PRX: variants seen among roughly 807,000 people sequenced by gnomAD.
The protein encoded by PRX is periaxin.
Under a neutral mutation model 29.6 loss-of-function variants are expected in PRX, and 24 were observed. That is an observed-to-expected ratio of 0.81 (90% CI 0.59 to 1.14). PRX has a LOEUF of 1.14. Among genes scored for constraint, PRX ranks in the 50% most tolerant of loss-of-function variants. The probability of loss-of-function intolerance (pLI) is 0.00; values close to 1 mark genes in which losing one functional copy is unlikely to be tolerated. For synonymous variants in PRX, 772 were observed against 831.7 expected, an observed-to-expected ratio of 0.93 and a Z score of 1.24; for missense variants, 1,838 against 1,926.4, an observed-to-expected ratio of 0.95 and a Z score of 0.86.
chr19:40,396,321 C>T lies in PRX; in HGVS notation c.2031G>A (p.Glu677=), dbSNP rs554890319. The change falls in exon 7 of 7, where the codon GAG becomes GAA. Residue 677 remains glutamate, a synonymous_variant. Transcript: ENST00000324001. ...LPKMPEMAVP[E]VRLPEVQLPK... ...GCAGCTGCACCTCGGGGAGTCGAAC[C>T]TCTGGCACAGCCATCTCAGGCATTT... 6.2e-6 allele frequency: 10 copies of T among 1,610,542 alleles called. No individual in the cohort carries two copies. The highest frequency in any genetic ancestry group is 1.7e-4 in the Middle Eastern group (1 of 6,046).
intron 1 of PRX, among the ~76,000 whole-genome samples, chr19:40,411,273 C>T (rs914124519): frequency 3.3e-5 from 5 of 152,124 alleles, no homozygotes; most frequent in Admixed American, 3.3e-4. Flanking sequence ...CTGGACCGGG[C>T]AGGCGCTTTA....
chr19:40,410,044 G>A (rs769954693), intron 1 of PRX, among the ~76,000 whole-genome samples: 6 of 152,202 alleles, frequency 3.9e-5, no homozygotes, highest in Middle Eastern at 3.4e-3. Context: ...GCTGGCCCCC[G>A]TGCTAAGACC....
rs150914430 is a variant in PRX at position 40,394,295 on chromosome 19, C to T, written c.4057G>A (p.Glu1353Lys). ...TCTTCCTCCTCCTCCTCCTCCTCCTCGGGGCTGGGGGACCCTTCCCCAGTG... is the reference window on the plus strand; with the variant it reads ...TCTTCCTCCTCCTCCTCCTCCTCCTTGGGGCTGGGGGACCCTTCCCCAGTG... ...MVTGEGSPSP[E>K]EEEEEEEEGS... is the part of the protein sequence containing the mutation. Residue 1353 changes from glutamate (E) to lysine (K), a missense_variant, in exon 7 of 7, where the codon GAG (glutamate) becomes AAG (lysine). Physicochemically the swap from Glu to Lys is moderately conservative, Grantham distance 56. Around this residue, in one of 3 missense-constraint regions of PRX, gnomAD observed 1,143 missense variants for 1,193.0 expected, o/e 0.96. Coordinates refer to ENST00000324001, the MANE Select transcript of PRX (RefSeq NM_181882.3). This position sits in a 1 kb window ranked among gnomAD's most constrained non-coding sequence, Gnocchi z 5.8. 8 of 1,609,934 alleles carry T rather than the reference C, an allele frequency of 5.0e-6. No individual in the cohort carries two copies. The African/African-American group carries it at 6.7e-5, about 13-fold the overall frequency.
In PRX at chr19:40,394,431, C is replaced by T. The variant is rs1278229740; in HGVS notation, c.3921G>A (p.Arg1307=). ...EGEAGHKLKV[R]LPRFGLVRAK... Reference sequence around the variant, plus strand: ...CCCGCACCAGGCCAAACCGGGGCAGCCGTACCTTGAGCTTGTGTCCGGCCT... The same window carrying T: ...CCCGCACCAGGCCAAACCGGGGCAGTCGTACCTTGAGCTTGTGTCCGGCCT... Residue 1307 remains arginine, a synonymous_variant, in exon 7 of 7, where the codon CGG becomes CGA. Coordinates refer to ENST00000324001, the MANE Select transcript of PRX (RefSeq NM_181882.3). The surrounding 1 kb of genome is among the most constrained non-coding windows in gnomAD (Gnocchi z 5.8). 3.1e-6 allele frequency: 5 copies of T among 1,602,372 alleles called. No homozygotes were observed. The African/African-American group carries it at 6.7e-5, about 21-fold the overall frequency.
chr19:40,396,583 A>G lies in PRX; in HGVS notation c.1769T>C (p.Val590Ala). ...CATCTCAGGAAGTTTCATCTCAGGC[A>G]CCTTTGGAAGCTTCATCTCAGGGAC... is the stretch of plus-strand genomic sequence containing the variant. ...MKVPEMKLPKVPEMKLPEMKL... is the reference protein window; with the variant it reads ...MKVPEMKLPKAPEMKLPEMKL... Residue 590 changes from valine (V) to alanine (A), a missense_variant, in exon 7 of 7, where the codon GTG becomes GCG. By Grantham distance (64) the Val-to-Ala change is moderately conservative. Coordinates refer to ENST00000324001, the MANE Select transcript of PRX (RefSeq NM_181882.3). 1 of 1,613,368 alleles carries G rather than the reference A, an allele frequency of 6.2e-7. No homozygotes were observed. The highest frequency in any genetic ancestry group is 1.7e-5 in the Admixed American group (1 of 59,958).
At position 40,394,407 on chromosome 19, in the gene PRX, C is replaced by A. The variant is rs2079409159; in HGVS notation, c.3945G>T (p.Arg1315=). The A allele has an allele frequency of 6.2e-7, 1 of 1,601,304 alleles. No homozygotes were observed. Among genetic ancestry groups the A allele is most frequent in the African/African-American group, 1.3e-5 (1 of 74,636 alleles). The part of the protein sequence containing the change: ...KVRLPRFGLV[R]AKEGAEEGEK... ...CACCCTCCTCGGCCCCCTCCTTGGC[C>A]CGCACCAGGCCAAACCGGGGCAGCC... The change falls in exon 7 of 7, where the codon CGG becomes CGT. Residue 1315 remains arginine, a synonymous_variant. Transcript: ENST00000324001. The surrounding 1 kb of genome is among the most constrained non-coding windows in gnomAD (Gnocchi z 5.8).
Position 40,395,958 on chromosome 19 carries a change from G to A in PRX, c.2394C>T (p.Gly798=), listed in dbSNP as rs1410863087. 6.2e-7 allele frequency: 1 copy of A among 1,614,160 alleles called. No individual in the cohort carries two copies. The highest frequency in any genetic ancestry group is 1.7e-5 in the Admixed American group (1 of 60,030). ...GCATGGTCATCTTGGGCATCTTGAA[G>A]CCAAATTCCATCCCTTCTGCCTGTT... ...KAEQAEGMEF[G]FKMPKMTMPK... The change falls in exon 7 of 7, where the codon GGC becomes GGT. Residue 798 remains glycine (G), a synonymous_variant. Coordinates refer to ENST00000324001, the MANE Select transcript of PRX (RefSeq NM_181882.3).
At position 40,394,346 on chromosome 19, in the gene PRX, C is replaced by T. The variant is rs1451033882; in HGVS notation, c.4006G>A (p.Val1336Met). 6.2e-7 allele frequency: 1 copy of T among 1,606,284 alleles called. No individual in the cohort carries two copies. Among genetic ancestry groups the T allele is most frequent in the Middle Eastern group, 1.7e-4 (1 of 6,056 alleles). ...ACCATCTCACTTTGGCTGAAGCCCA[C>T]TCGGGGCAGCCTGAGTTTGGGGCTC... is the stretch of plus-strand genomic sequence containing the variant. ...AKSPKLRLPR[V>M]GFSQSEMVTG... The change falls in exon 7 of 7, where the codon GTG (valine) becomes ATG (methionine). Residue 1336 changes from valine to methionine, a missense_variant. This residue lies in a region of PRX where 1,143 missense variants were observed against 1,193.0 expected (regional missense o/e 0.96). Coordinates refer to ENST00000324001, the MANE Select transcript of PRX (RefSeq NM_181882.3). This position sits in a 1 kb window ranked among gnomAD's most constrained non-coding sequence, Gnocchi z 5.8.
intron 5 of PRX, among the ~76,000 whole-genome samples, chr19:40,399,600 C>T (rs1181206499): frequency 1.3e-5 from 2 of 152,222 alleles, no homozygotes; most frequent in Non-Finnish European, 2.9e-5. Flanking sequence ...CTGATCTAAC[C>T]TCACTCTCTG....
rs200954729 is a variant in PRX, at chr19:40,397,984, A to C, written c.382-14T>G. On this transcript the variant is annotated splice_polypyrimidine_tract_variant and intron_variant, in intron 6 of 6. Coordinates refer to ENST00000324001, the MANE Select transcript of PRX (RefSeq NM_181882.3). ...ACTCTGGATGTTCTGGGGAGAGAGG[A>C]GAGAGGCAGGAGGCGGTGGGACAGT... 6.2e-7 allele frequency: 1 copy of C among 1,603,960 alleles called. No homozygotes were observed. The highest frequency in any genetic ancestry group is 2.2e-5 in the East Asian group (1 of 44,662).
upstream of PRX, among the ~76,000 whole-genome samples, chr19:40,413,537 G>A (rs1045171033): frequency 3.9e-5 from 6 of 152,034 alleles, no homozygotes; most frequent in African/African-American, 1.5e-4. Flanking sequence ...AAGGGGTGGG[G>A]GCCACGGGAC....
In PRX at chr19:40,394,811, C is replaced by T; in HGVS notation, c.3541G>A (p.Ala1181Thr). Residue 1181 changes from alanine (A) to threonine (T), a missense_variant, in exon 7 of 7, where the codon GCA (alanine) becomes ACA (threonine). Transcript: ENST00000324001. This position sits in a 1 kb window ranked among gnomAD's most constrained non-coding sequence, Gnocchi z 5.8. ...QSTVPSAEGT[A>T]GYRVQVPQVT... ...TGGGGCACCTGAACCCTGTAGCCTGCTGTGCCCTCTGCTGAAGGGACTGTA... is the reference window on the plus strand; with the variant it reads ...TGGGGCACCTGAACCCTGTAGCCTGTTGTGCCCTCTGCTGAAGGGACTGTA... 6.2e-7 allele frequency: 1 copy of T among 1,613,556 alleles called. No individual in the cohort carries two copies. Among genetic ancestry groups the T allele is most frequent in the Non-Finnish European group, 8.5e-7 (1 of 1,180,030 alleles).
Position 40,398,291 on chromosome 19 carries a change from A to G in PRX, c.382-321T>C, listed in dbSNP as rs2079461760. 2 of 1,419,772 alleles carry G rather than the reference A, an allele frequency of 1.4e-6. No individual in the cohort carries two copies. Among genetic ancestry groups the G allele is most frequent in the Non-Finnish European group, 1.8e-6 (2 of 1,090,738 alleles). 87.9% of individuals were successfully genotyped at this position (1,419,772 alleles called of 1,614,324 possible). ...CCCAGGGAGAGAAACAACTTTGTCC[A>G]GGGCCACTCAGCAGTAATTGGGCCA... On this transcript the variant is annotated intron_variant, in intron 6 of 6. Coordinates refer to ENST00000324001, the MANE Select transcript of PRX (RefSeq NM_181882.3). The surrounding 1 kb of genome is among the most constrained non-coding windows in gnomAD (Gnocchi z 6.3).
At position 40,396,439 on chromosome 19, in the gene PRX, T is replaced by C. The variant is rs1254148945; in HGVS notation, c.1913A>G (p.Glu638Gly). Reference sequence around the variant, plus strand: ...CTCGGGCACCTTCGGGAGTTTCACCTCAGGGAGTTTCATCTCAGGGAGCTT... The same window carrying C: ...CTCGGGCACCTTCGGGAGTTTCACCCCAGGGAGTTTCATCTCAGGGAGCTT... ...EMKLPEMKLP[E>G]VKLPKVPEMA... The change falls in exon 7 of 7, where the codon GAG becomes GGG. Residue 638 changes from glutamate to glycine, a missense_variant. Transcript: ENST00000324001. 2.5e-6 allele frequency: 4 copies of C among 1,612,302 alleles called. No homozygotes were observed. The highest frequency in any genetic ancestry group is 3.4e-6 in the Non-Finnish European group (4 of 1,179,708).
In PRX at chr19:40,397,118, C is replaced by G; in HGVS notation, c.1234G>C (p.Glu412Gln). 6.2e-7 allele frequency: 1 copy of G among 1,614,160 alleles called. No homozygotes were observed. Among genetic ancestry groups the G allele is most frequent in the Non-Finnish European group, 8.5e-7 (1 of 1,180,042 alleles). Reference protein sequence around the residue: ...EPRPAAPEVVESKLKLPTIKM... With the variant: ...EPRPAAPEVVQSKLKLPTIKM... ...ATGGTGGGCAGCTTCAGCTTGCTCTCTACAACTTCAGGAGCAGCGGGCCGG... is the reference window on the plus strand; with the variant it reads ...ATGGTGGGCAGCTTCAGCTTGCTCTGTACAACTTCAGGAGCAGCGGGCCGG... The change falls in exon 7 of 7, where the codon GAG becomes CAG. Residue 412 changes from glutamate (E) to glutamine (Q), a missense_variant. By Grantham distance (29) the Glu-to-Gln change is conservative. This residue lies in a region of PRX where 666 missense variants were observed against 665.0 expected (regional missense o/e 1.00). Transcript: ENST00000324001.
At chr19:40,412,548 A>G (rs1599668670) in intron 1 of PRX, among the ~76,000 whole-genome samples, 1 of 152,210 alleles carries the variant, frequency 6.6e-6, no homozygotes, top group African/African-American at 2.4e-5. Context: ...AGTGTTGCAC[A>G]TCCAACCTTT....
Position 40,395,959 on chromosome 19 carries a change from CCAAATTCCATCCCTTCTGCCT to C in PRX, c.2372_2392del (p.Gln791_Gly798delinsArg), listed in dbSNP as rs773252236. ...CATGGTCATCTTGGGCATCTTGAAG[CCAAATTCCATCCCTTCTGCCT>C]GTTCTGCCTTGGTGGCCTTTAGCTG... is the stretch of plus-strand genomic sequence containing the variant. On this transcript the variant is annotated inframe_deletion, in exon 7 of 7. Coordinates refer to ENST00000324001, the MANE Select transcript of PRX (RefSeq NM_181882.3). The C allele has an allele frequency of 8.7e-6, 14 of 1,614,046 alleles. No individual in the cohort carries two copies. Among genetic ancestry groups the C allele is most frequent in the Non-Finnish European group, 1.2e-5 (14 of 1,180,050 alleles).
chr19:40,394,495 C>T lies in PRX; in HGVS notation c.3857G>A (p.Gly1286Asp), dbSNP rs2079410631. 6.3e-7 allele frequency: 1 copy of T among 1,599,624 alleles called. No homozygotes were observed. Among genetic ancestry groups the T allele is most frequent in the Non-Finnish European group, 8.5e-7 (1 of 1,173,824 alleles). The stretch of plus-strand genomic sequence containing the variant: ...TGCCACCTGGTACTCGGCATGGTTG[C>T]CCCCGGATGGCGAGAGCTCCACGTC... ...LPDVELSPSG[G>D]NHAEYQVAEG... The change falls in exon 7 of 7, where the codon GGC (glycine) becomes GAC (aspartate). Residue 1286 changes from glycine to aspartate, a missense_variant. Physicochemically the swap from Gly to Asp is moderately conservative, Grantham distance 94. Transcript: ENST00000324001. The surrounding 1 kb of genome is among the most constrained non-coding windows in gnomAD (Gnocchi z 5.8).
chr19:40,407,212 TTGTGTGTGTGTG>T (rs72256185), intron 4 of PRX, among the ~76,000 whole-genome samples: 32 of 133,894 alleles, frequency 2.4e-4, no homozygotes, highest in African/African-American at 7.9e-4. Flanking sequence ...TTATATGCCC[TTGTGTGTGTGTG>T]TGTGTGTGTG....
Sources: allele counts gnomAD v4.1 joint callset (sites outside exome capture counted in the v4.1 genomes callset), GRCh38; gene constraint gnomAD v4.1.1; regional missense constraint gnomAD v4.1.1; non-coding constraint Gnocchi (gnomAD v3.1); transcripts MANE v1.5; gene names NCBI Gene and HGNC (gene_info 2026-07-23, HGNC 2026-07-21).